The following RFX7 variants were observed in gnomAD, a reference collection of about 807,000 sequenced individuals.
RFX7 encodes DNA-binding protein RFX7.
Under a neutral mutation model 111.8 loss-of-function variants are expected in RFX7, and 26 were observed. That is an observed-to-expected ratio of 0.23 (90% CI 0.17 to 0.32). The LOEUF (loss-of-function observed/expected upper bound fraction) is 0.32, where lower values mean the gene tolerates loss of function less well. Among genes scored for constraint, RFX7 ranks in the 10% least tolerant of loss-of-function variants. The probability of loss-of-function intolerance (pLI) is 1.00; values close to 1 mark genes in which losing one functional copy is unlikely to be tolerated. For synonymous variants in RFX7, 624 were observed against 624.4 expected, an observed-to-expected ratio of 1.00 and a Z score of 0.01; for missense variants, 1,573 against 1,772.9, an observed-to-expected ratio of 0.89 and a Z score of 2.02.
At chr15:56,145,088 G>A (rs1011612154) in intron 3 of RFX7, among the ~76,000 whole-genome samples, 26 of 152,288 alleles carry the variant, frequency 1.7e-4, no homozygotes, top group Admixed American at 1.7e-3. Context: ...TAGCTATTTA[G>A]AGAATCTACT....
At chr15:56,225,756 C>T (rs917848609) in intron 2 of RFX7, among the ~76,000 whole-genome samples, 2 of 152,108 alleles carry the variant, frequency 1.3e-5, no homozygotes, top group African/African-American at 4.8e-5. Context: ...CTTCTATAAA[C>T]CTGCTTGCTG....
At chr15:56,131,085 A>T (rs764136340) in intron 5 of RFX7, among the ~76,000 whole-genome samples, 1 of 151,752 alleles carries the variant, frequency 6.6e-6, no homozygotes, top group East Asian at 2.0e-4. Context: ...CCTAACCCTG[A>T]TATCAAAACC....
intron 2 of RFX7, among the ~76,000 whole-genome samples, chr15:56,227,699 A>G (rs2043500657): frequency 1.3e-5 from 2 of 152,194 alleles, no homozygotes; most frequent in African/African-American, 4.8e-5. Flanking sequence ...CTTATCCATG[A>G]GCTGTACTCA....
chr15:56,197,004 A>G (rs370823886), intron 2 of RFX7, among the ~76,000 whole-genome samples: 36 of 152,264 alleles, frequency 2.4e-4, no homozygotes, highest in Middle Eastern at 3.4e-3. Flanking sequence ...TGGCCAATCT[A>G]TACTCCATCA....
At position 56,093,352 on chromosome 15, in the gene RFX7, A is replaced by C; in HGVS notation, c.4376T>G (p.Leu1459Trp). The change falls in exon 10 of 10, where the codon TTG becomes TGG. Residue 1459 changes from leucine to tryptophan, a missense_variant. Coordinates refer to ENST00000559447, the MANE Select transcript of RFX7 (RefSeq NM_022841.7). ...ESKDHPTVEM[L>W]G Reference sequence around the variant, plus strand: ...CATGTTATAAAACACAATTTAACCCAACATTTCAACAGTAGGATGGTCCTT... The same window carrying C: ...CATGTTATAAAACACAATTTAACCCCACATTTCAACAGTAGGATGGTCCTT... 6.2e-7 allele frequency: 1 copy of C among 1,605,280 alleles called. No homozygotes were observed. The highest frequency in any genetic ancestry group is 8.5e-7 in the Non-Finnish European group (1 of 1,175,512).
At chr15:56,244,110 T>TGAG (rs1233964747), upstream of RFX7, 3 of 150,724 alleles carry the variant, frequency 2.0e-5, no homozygotes, top group South Asian at 2.1e-4. Flanking sequence ...AGAACTTGCG[T>TGAG]GAGGAGGAGG....
intron 6 of RFX7, among the ~76,000 whole-genome samples, chr15:56,102,567 G>T (rs2041769111): frequency 1.3e-5 from 2 of 152,302 alleles, no homozygotes; most frequent in African/African-American, 4.8e-5. Flanking sequence ...CAGAAGGAAA[G>T]GAATAGCCAG....
intron 2 of RFX7, among the ~76,000 whole-genome samples, chr15:56,196,608 G>C (rs2043147923): frequency 6.6e-6 from 1 of 152,102 alleles, no homozygotes; most frequent in Middle Eastern, 3.4e-3. Flanking sequence ...TGCTGTATCT[G>C]ATGGAACGGA....
intron 2 of RFX7, among the ~76,000 whole-genome samples, chr15:56,184,340 G>T (rs1406970699): frequency 6.6e-6 from 1 of 151,382 alleles, no homozygotes; most frequent in Non-Finnish European, 1.5e-5. Flanking sequence ...CGCCCGGACA[G>T]TTCTAATAGT....
intron 3 of RFX7, among the ~76,000 whole-genome samples, chr15:56,176,755 A>C (rs997544790): frequency 2.0e-5 from 3 of 152,086 alleles, no homozygotes; most frequent in Non-Finnish European, 4.4e-5. Flanking sequence ...TCAGCAAGCA[A>C]GGCCTACTAG....
intron 3 of RFX7, among the ~76,000 whole-genome samples, chr15:56,169,967 T>A (rs1451262215): frequency 1.3e-5 from 2 of 152,134 alleles, no homozygotes; most frequent in Non-Finnish European, 2.9e-5. Flanking sequence ...CTTTACTTAT[T>A]GGCAAACCAG....
intron 3 of RFX7, among the ~76,000 whole-genome samples, chr15:56,159,518 C>T (rs1393493614): frequency 5.3e-5 from 8 of 152,022 alleles, no homozygotes; most frequent in Non-Finnish European, 5.9e-5. Context: ...CCTAAGCTAT[C>T]GACATATAAT....
intron 2 of RFX7, among the ~76,000 whole-genome samples, chr15:56,190,194 C>T (rs1221854982): frequency 6.6e-6 from 1 of 152,224 alleles, no homozygotes; most frequent in Non-Finnish European, 1.5e-5. Flanking sequence ...TGAGGCTTCC[C>T]TGCTCACTGG....
At chr15:56,171,100 G>A (rs1357598674) in intron 3 of RFX7, among the ~76,000 whole-genome samples, 2 of 152,092 alleles carry the variant, frequency 1.3e-5, no homozygotes, top group African/African-American at 4.8e-5. Flanking sequence ...ATTATGATCT[G>A]GATTAATGCA....
At chr15:56,108,900 A>C (rs948497759) in intron 5 of RFX7, among the ~76,000 whole-genome samples, 2 of 152,212 alleles carry the variant, frequency 1.3e-5, no homozygotes, top group Non-Finnish European at 2.9e-5. Context: ...CTATACATCA[A>C]TAGACAAGCA....
intron 3 of RFX7, among the ~76,000 whole-genome samples, chr15:56,169,912 A>T (rs2141106646): frequency 6.6e-6 from 1 of 151,882 alleles, no homozygotes; most frequent in South Asian, 2.1e-4. Flanking sequence ...GAATGGCAGA[A>T]ACAGAAAAAA....
intron 5 of RFX7, among the ~76,000 whole-genome samples, chr15:56,139,136 G>C (rs1364854101): frequency 6.6e-6 from 1 of 151,904 alleles, no homozygotes; most frequent in Non-Finnish European, 1.5e-5. Context: ...GGCGTTCTCT[G>C]TATTTCCTGA....
intron 3 of RFX7, chr15:56,160,878 G>A (rs1486985504): frequency 6.6e-6 from 1 of 151,964 alleles, no homozygotes; most frequent in Non-Finnish European, 1.5e-5. Context: ...GGACCACTGG[G>A]GGTGGCAGGG....
intron 5 of RFX7, among the ~76,000 whole-genome samples, chr15:56,135,151 A>G (rs2042280617): frequency 1.3e-5 from 2 of 152,164 alleles, no homozygotes; most frequent in Admixed American, 1.3e-4. Flanking sequence ...GGCTGGGTCA[A>G]ATGGTATTTC....
Sources: allele counts gnomAD v4.1 joint callset (sites outside exome capture counted in the v4.1 genomes callset), GRCh38; gene constraint gnomAD v4.1.1; transcripts MANE v1.5; gene names NCBI Gene and HGNC (gene_info 2026-07-23, HGNC 2026-07-21).